Variants in FBXO8 observed in about 807,000 individuals in gnomAD.
FBXO8 encodes F-box only protein 8.
Under a neutral mutation model 33.4 loss-of-function variants are expected in FBXO8, and 15 were observed. That is an observed-to-expected ratio of 0.45 (90% CI 0.30 to 0.69). FBXO8 has a LOEUF of 0.69. Ranked by LOEUF, FBXO8 falls within the 30% of genes least tolerant of loss-of-function variation. FBXO8 has a pLI of 0.08. For synonymous variants in FBXO8, 132 were observed against 131.5 expected, an observed-to-expected ratio of 1.00 and a Z score of -0.02; for missense variants, 274 against 380.3, an observed-to-expected ratio of 0.72 and a Z score of 2.32.
chr4:174,245,140 C>T lies in FBXO8; in HGVS notation c.457-3922G>A, dbSNP rs1424152178. ...CTGAGTAGTGTAACACAGAGTTTTG[C>T]CCTAAGAAAATTTAAAGTTTATCTG... On this transcript the variant is annotated intron_variant, in intron 3 of 5. Coordinates refer to ENST00000393674, the MANE Select transcript of FBXO8 (RefSeq NM_012180.3). This position sits in a 1 kb window ranked among gnomAD's most constrained non-coding sequence, Gnocchi z 4.6. Among the ~76,000 whole-genome samples, 2 of 151,622 alleles carry T rather than the reference C, an allele frequency of 1.3e-5. No individual in the cohort carries two copies. The highest frequency in any genetic ancestry group is 3.9e-4 in the East Asian group (2 of 5,174).
At chr4:174,243,430 A>C (rs536029378) in intron 3 of FBXO8, among the ~76,000 whole-genome samples, 1 of 151,242 alleles carries the variant, frequency 6.6e-6, no homozygotes, top group South Asian at 2.1e-4. Context: ...AAATACAAAA[A>C]GACATGAGAA....
chr4:174,280,237 CA>C (rs1737048007), intron 1 of FBXO8, among the ~76,000 whole-genome samples: 1 of 151,868 alleles, frequency 6.6e-6, no homozygotes, highest in South Asian at 2.1e-4. Context: ...CAGGAAAATA[CA>C]GTCAACATCA....
rs1357649382 is a variant in FBXO8 at position 174,254,474 on chromosome 4, G to A, written c.456+5225C>T. Among the ~76,000 whole-genome samples, 1 of 152,150 alleles carries A rather than the reference G, an allele frequency of 6.6e-6. No homozygotes were observed. The highest frequency in any genetic ancestry group is 1.5e-5 in the Non-Finnish European group (1 of 68,000). Reference sequence around the variant, plus strand: ...TCATTAGGAATACTTCTGTGTTGCAGGAGGTACTAAGATTTAAAAGAGTTA... The same window carrying A: ...TCATTAGGAATACTTCTGTGTTGCAAGAGGTACTAAGATTTAAAAGAGTTA... On this transcript the variant is annotated intron_variant, in intron 3 of 5. Transcript: ENST00000393674. This position sits in a 1 kb window ranked among gnomAD's most constrained non-coding sequence, Gnocchi z 4.2.
chr4:174,242,786 C>T (rs1260522484), intron 3 of FBXO8, among the ~76,000 whole-genome samples: 3 of 151,446 alleles, frequency 2.0e-5, no homozygotes, highest in African/African-American at 4.8e-5. Context: ...TTTGAATAAT[C>T]GAGAGTTGAC....
In FBXO8 at chr4:174,262,882, A is replaced by C; in HGVS notation, c.211T>G (p.Leu71Val). 1 of 1,614,026 alleles carries C rather than the reference A, an allele frequency of 6.2e-7. No individual in the cohort carries two copies. Among genetic ancestry groups the C allele is most frequent in the Non-Finnish European group, 8.5e-7 (1 of 1,179,928 alleles). ...CTTAGCTCAGGAGGCAACATTTCCA[A>C]ATTAATGAATCCTTCCTGTTCTTTC... ...KSKEQEGFIN[L>V]EMLPPELSFT... The change falls in exon 2 of 6, where the codon TTG becomes GTG. Residue 71 changes from leucine (L) to valine (V), a missense_variant. This residue lies in a region of FBXO8 where 88 missense variants were observed against 86.9 expected (regional missense o/e 1.01). Coordinates refer to ENST00000393674, the MANE Select transcript of FBXO8 (RefSeq NM_012180.3). This position sits in a 1 kb window ranked among gnomAD's most constrained non-coding sequence, Gnocchi z 4.6.
chr4:174,269,549 G>T (rs1736783576), intron 1 of FBXO8, among the ~76,000 whole-genome samples: 1 of 152,032 alleles, frequency 6.6e-6, no homozygotes, highest in South Asian at 2.1e-4. Flanking sequence ...GCCTGGCATT[G>T]TGGTGCACGC....
intron 3 of FBXO8, among the ~76,000 whole-genome samples, chr4:174,243,153 T>C (rs1295198177): frequency 6.6e-6 from 1 of 151,596 alleles, no homozygotes; most frequent in Non-Finnish European, 1.5e-5. Flanking sequence ...AAAAATACAC[T>C]GTTAGCCATA....
chr4:174,249,845 T>C (rs1736246364), intron 3 of FBXO8, among the ~76,000 whole-genome samples: 1 of 151,998 alleles, frequency 6.6e-6, no homozygotes, highest in South Asian at 2.1e-4. Context: ...TGCATATACA[T>C]GTCAGAAAAT....
chr4:174,256,104 G>T lies in FBXO8; in HGVS notation c.456+3595C>A. On this transcript the variant is annotated intron_variant, in intron 3 of 5. Transcript: ENST00000393674. The surrounding 1 kb of genome is among the most constrained non-coding windows in gnomAD (Gnocchi z 4.6). ...CTGTGGAGCTTGGTTACCCATATCCGTGACATGAACGGTGTCCTTTGGAGA... is the reference window on the plus strand; with the variant it reads ...CTGTGGAGCTTGGTTACCCATATCCTTGACATGAACGGTGTCCTTTGGAGA... The T allele has an allele frequency of 2.2e-6, 1 of 456,120 alleles. No individual in the cohort carries two copies. The highest frequency in any genetic ancestry group is 4.4e-6 in the Non-Finnish European group (1 of 226,876). 28.3% of individuals were successfully genotyped at this position (456,120 alleles called of 1,614,324 possible). A position where few individuals can be genotyped will look rare whatever the true frequency, so the allele number is the denominator to read the frequency against.
In FBXO8 at chr4:174,252,483, T is replaced by C. The variant is rs972603149; in HGVS notation, c.456+7216A>G. On this transcript the variant is annotated intron_variant, in intron 3 of 5. Transcript: ENST00000393674. This position sits in a 1 kb window ranked among gnomAD's most constrained non-coding sequence, Gnocchi z 5.1. ...CTAATATGGCTCCAGGTTGTTGGGC[T>C]CACAGATAGCATCACAGACCCAATT... Among the ~76,000 whole-genome samples the C allele has an allele frequency of 1.3e-5, 2 of 152,168 alleles. No homozygotes were observed. Among genetic ancestry groups the C allele is most frequent in the Non-Finnish European group, 2.9e-5 (2 of 68,020 alleles).
intron 1 of FBXO8, among the ~76,000 whole-genome samples, chr4:174,266,364 C>G (rs936634078): frequency 1.3e-4 from 20 of 152,182 alleles, no homozygotes; most frequent in Non-Finnish European, 1.6e-4. Context: ...CTAAACAATA[C>G]TGAAAATTGT....
chr4:174,268,655 C>G (rs1333302951), intron 1 of FBXO8, among the ~76,000 whole-genome samples: 2 of 152,276 alleles, frequency 1.3e-5, no homozygotes, highest in East Asian at 3.9e-4. Flanking sequence ...CCAGGATGGT[C>G]TCCATCTCCT....
rs1736435911 is a variant in FBXO8 at position 174,257,172 on chromosome 4, G to A, written c.456+2527C>T. 1.3e-5 allele frequency among the ~76,000 whole-genome samples: 2 copies of A among 152,044 alleles called. No individual in the cohort carries two copies. The highest frequency in any genetic ancestry group is 2.9e-5 in the Non-Finnish European group (2 of 68,000). On this transcript the variant is annotated intron_variant, in intron 3 of 5. Coordinates refer to ENST00000393674, the MANE Select transcript of FBXO8 (RefSeq NM_012180.3). This position sits in a 1 kb window ranked among gnomAD's most constrained non-coding sequence, Gnocchi z 4.3. The stretch of plus-strand genomic sequence containing the variant: ...ATAGTTTGATATTGGTAGCTGCAAG[G>A]ATGAAAACCTATTTATATGTCTAGC...
intron 3 of FBXO8, among the ~76,000 whole-genome samples, chr4:174,248,552 A>G (rs550460359): frequency 1.3e-5 from 2 of 152,210 alleles, no homozygotes; most frequent in East Asian, 1.9e-4. Flanking sequence ...GCAAGAACAG[A>G]GAGCACACAC....
At chr4:174,266,646 G>T (rs1049544639) in intron 1 of FBXO8, among the ~76,000 whole-genome samples, 4 of 152,172 alleles carry the variant, frequency 2.6e-5, no homozygotes, top group Admixed American at 1.3e-4. Context: ...GAGTATAGTG[G>T]TATGGGTTTT....
chr4:174,246,593 A>T (rs1292606102), intron 3 of FBXO8, among the ~76,000 whole-genome samples: 1 of 151,178 alleles, frequency 6.6e-6, no homozygotes, highest in African/African-American at 2.4e-5. Flanking sequence ...AAGAGAAAGT[A>T]TTTTTTTTTC....
At position 174,262,764 on chromosome 4, in the gene FBXO8, C is replaced by T. The variant is rs1736599019; in HGVS notation, c.329G>A (p.Gly110Glu). 6.2e-7 allele frequency: 1 copy of T among 1,612,414 alleles called. No individual in the cohort carries two copies. Among genetic ancestry groups the T allele is most frequent in the Non-Finnish European group, 8.5e-7 (1 of 1,178,828 alleles). The change falls in exon 2 of 6, where the codon GGG becomes GAG. Residue 110 changes from glycine to glutamate, a missense_variant and splice_region_variant. Transcript: ENST00000393674. This position sits in a 1 kb window ranked among gnomAD's most constrained non-coding sequence, Gnocchi z 4.6. ...TTCAACTTTGGTGGGTTTAACTTAC[C>T]CTTGCCAGAGAAGTTCATCATTCGC... ...DLANDELLWQ[G>E]LCKSTWGHCS...
chr4:174,269,928 A>G (rs987402672), intron 1 of FBXO8, among the ~76,000 whole-genome samples: 1 of 152,240 alleles, frequency 6.6e-6, no homozygotes, highest in Non-Finnish European at 1.5e-5. Context: ...CCATTTTAAT[A>G]CAGCAGTCAA....
Position 174,275,095 on chromosome 4 carries a change from G to A in FBXO8, c.-9+8315C>T, listed in dbSNP as rs1579038920. On this transcript the variant is annotated intron_variant, in intron 1 of 5. Transcript: ENST00000393674. This position sits in a 1 kb window ranked among gnomAD's most constrained non-coding sequence, Gnocchi z 4.4. ...TATATAAACAACTCTCAAAACAATAGTAAACAAAAACCAAACAATCCAATA... is the reference window on the plus strand; with the variant it reads ...TATATAAACAACTCTCAAAACAATAATAAACAAAAACCAAACAATCCAATA... Among the ~76,000 whole-genome samples the A allele has an allele frequency of 6.6e-6, 1 of 152,038 alleles. No individual in the cohort carries two copies. The highest frequency in any genetic ancestry group is 6.6e-5 in the Admixed American group (1 of 15,262).
Sources: allele counts gnomAD v4.1 joint callset (sites outside exome capture counted in the v4.1 genomes callset), GRCh38; gene constraint gnomAD v4.1.1; regional missense constraint gnomAD v4.1.1; non-coding constraint Gnocchi (gnomAD v3.1); transcripts MANE v1.5; gene names NCBI Gene and HGNC (gene_info 2026-07-23, HGNC 2026-07-21).